MCC: variants seen among roughly 807,000 people sequenced by gnomAD.
The protein encoded by MCC is MCC regulator of Wnt signaling pathway.
MCC carries 90 observed loss-of-function variants against 116.2 expected under a neutral mutation model. The observed-to-expected ratio is 0.77, with a 90% CI of 0.65 to 0.92. The LOEUF is 0.92. Ranked by LOEUF, MCC falls within the 40% of genes least tolerant of loss-of-function variation. MCC has a pLI of 0.00. For synonymous variants in MCC, 578 were observed against 510.5 expected, an observed-to-expected ratio of 1.13 and a Z score of -1.78; for missense variants, 1,516 against 1,312.2, an observed-to-expected ratio of 1.16 and a Z score of -2.40.
intron 6 of MCC, among the ~76,000 whole-genome samples, chr5:113,108,024 T>A (rs191375288): frequency 1.3e-5 from 2 of 152,156 alleles, no homozygotes; most frequent in Non-Finnish European, 2.9e-5. Flanking sequence ...GCCCCACCTC[T>A]CTGCTGCCCA....
chr5:113,408,546 C>T (rs1352029257), intron 1 of MCC, among the ~76,000 whole-genome samples: 10 of 152,146 alleles, frequency 6.6e-5, no homozygotes. Context: ...ACAGAATATA[C>T]CTAGCGCTGA....
At chr5:113,103,222 C>T (rs546751980) in intron 7 of MCC, among the ~76,000 whole-genome samples, 15 of 152,198 alleles carry the variant, frequency 9.9e-5, no homozygotes, top group Admixed American at 9.2e-4. Flanking sequence ...CATGTTGGTT[C>T]TCAAATCTTG....
chr5:113,441,257 C>T (rs796252306), intron 1 of MCC, among the ~76,000 whole-genome samples: 4 of 152,192 alleles, frequency 2.6e-5, no homozygotes, highest in South Asian at 2.1e-4. Context: ...ATCTCTTGAA[C>T]CCAGGAGGCG....
chr5:113,112,914 CCTG>C (rs1757180999), intron 6 of MCC, among the ~76,000 whole-genome samples: 1 of 152,226 alleles, frequency 6.6e-6, no homozygotes, highest in South Asian at 2.1e-4. Flanking sequence ...ATTATCACAG[CCTG>C]CTAATAGGGC....
intron 3 of MCC, among the ~76,000 whole-genome samples, chr5:113,164,283 C>T (rs1209778261): frequency 2.6e-5 from 4 of 152,210 alleles, no homozygotes; most frequent in Non-Finnish European, 5.9e-5. Context: ...TGTTGGATAG[C>T]TACTGGCATT....
At chr5:113,322,746 C>T (rs1007395292) in intron 3 of MCC, among the ~76,000 whole-genome samples, 18 of 152,248 alleles carry the variant, frequency 1.2e-4, no homozygotes, top group African/African-American at 3.6e-4. Flanking sequence ...CAGAGGATAG[C>T]GAGTTAATGA....
chr5:113,307,274 C>A (rs983357221), intron 3 of MCC, among the ~76,000 whole-genome samples: 2 of 152,190 alleles, frequency 1.3e-5, no homozygotes, highest in Non-Finnish European at 2.9e-5. Context: ...GTCTTCCAAT[C>A]CATGAACATA....
At chr5:113,122,553 C>A (rs529042545) in intron 6 of MCC, 131 bp downstream of exon 6, 9 of 963,744 alleles carry the variant, frequency 9.3e-6, no homozygotes, top group Non-Finnish European at 1.4e-5. Context: ...GACTGAAATA[C>A]ATGTGACTTC....
At chr5:113,037,007 A>G (rs1290820177) in intron 17 of MCC, among the ~76,000 whole-genome samples, 1 of 152,204 alleles carries the variant, frequency 6.6e-6, no homozygotes, top group South Asian at 2.1e-4. Flanking sequence ...GATTGCTTTT[A>G]TACATCAACC....
intron 1 of MCC, among the ~76,000 whole-genome samples, chr5:113,472,920 A>T (rs414475): frequency 0.91 from 138,615 of 152,226 alleles, 63,411 homozygotes; most frequent in African/African-American, 0.98. Flanking sequence ...GTAGTATTAA[A>T]CTATTGGTTC....
chr5:113,446,689 A>G (rs555305761), intron 1 of MCC, among the ~76,000 whole-genome samples: 1 of 152,286 alleles, frequency 6.6e-6, no homozygotes, highest in Admixed American at 6.5e-5. Flanking sequence ...CAAAGAACTA[A>G]AAATAGACCC....
intron 1 of MCC, among the ~76,000 whole-genome samples, chr5:113,469,623 T>G (rs1772021121): frequency 6.6e-6 from 1 of 152,128 alleles, no homozygotes; most frequent in South Asian, 2.1e-4. Context: ...AATTTTGGAG[T>G]AGGTGTGGTG....
At chr5:113,134,944 C>CCT (rs1554056938) in intron 5 of MCC, among the ~76,000 whole-genome samples, 23 of 128,272 alleles carry the variant, frequency 1.8e-4, no homozygotes, top group African/African-American at 5.4e-4. Flanking sequence ...ACTTTTACTT[C>CCT]TTTTTTTTTT....
chr5:113,406,423 C>T (rs1717101419), intron 1 of MCC, among the ~76,000 whole-genome samples: 1 of 152,156 alleles, frequency 6.6e-6, no homozygotes, highest in African/African-American at 2.4e-5. Flanking sequence ...TCTAAAATGA[C>T]CCAAATCAGC....
At chr5:113,440,541 G>A (rs1412016557) in intron 1 of MCC, among the ~76,000 whole-genome samples, 1 of 151,620 alleles carries the variant, frequency 6.6e-6, no homozygotes, top group East Asian at 1.9e-4. Context: ...GTACTCAATA[G>A]ATATTTATTT....
chr5:113,468,623 G>A, intron 1 of MCC, among the ~76,000 whole-genome samples: 1 of 152,184 alleles, frequency 6.6e-6, no homozygotes, highest in South Asian at 2.1e-4. Context: ...TGTTCATCAA[G>A]GATATTGGTC....
In MCC at chr5:113,120,049, C is replaced by T. The variant is rs540384150; in HGVS notation, c.1027+2635G>A. ...TATGGAACTTTGTTGGAGTACAGGT[C>T]ATTTATTAATTCCATAAAATACAAT... On this transcript the variant is annotated intron_variant, in intron 6 of 18. Transcript: ENST00000408903. Among the ~76,000 whole-genome samples, 23 of 152,310 alleles carry T rather than the reference C, an allele frequency of 1.5e-4. No homozygotes were observed. In the South Asian group the frequency reaches 4.6e-3, roughly 30 times the overall value.
intron 3 of MCC, among the ~76,000 whole-genome samples, chr5:113,212,684 G>T (rs1763175936): frequency 6.6e-6 from 1 of 152,158 alleles, no homozygotes; most frequent in Admixed American, 6.5e-5. Flanking sequence ...TTAAGCCAAA[G>T]AAATGAGAAG....
At chr5:113,273,492 T>C (rs1262134744) in intron 3 of MCC, among the ~76,000 whole-genome samples, 1 of 152,178 alleles carries the variant, frequency 6.6e-6, no homozygotes, top group Admixed American at 6.5e-5. Context: ...GGGTTAAGTA[T>C]GACACAGAAA....
Sources: gnomAD v4.1 joint callset for allele counts (sites outside exome capture counted in the v4.1 genomes callset) on GRCh38, gnomAD v4.1.1 for gene constraint, MANE v1.5 for transcripts, NCBI Gene and HGNC (gene_info 2026-07-23, HGNC 2026-07-21) for gene names.